GATAD2B: variants seen among roughly 807,000 people sequenced by gnomAD.
The protein encoded by GATAD2B is GATA zinc finger domain containing 2B, also known as transcriptional repressor p66-beta.
A neutral mutation model predicts 64.3 loss-of-function variants in GATAD2B; 8 were observed. That is an observed-to-expected ratio of 0.12 (90% CI 0.07 to 0.22). The LOEUF (loss-of-function observed/expected upper bound fraction) is 0.22. Ranked by LOEUF, GATAD2B falls within the 10% of genes least tolerant of loss-of-function variation. The pLI is 1.00. For missense variants in GATAD2B, 453 were observed against 752.0 expected, an observed-to-expected ratio of 0.60 and a Z score of 4.65; for synonymous variants, 281 against 271.3, an observed-to-expected ratio of 1.04 and a Z score of -0.35.
chr1:153,839,390 G>A (rs1178487833), intron 1 of GATAD2B, among the ~76,000 whole-genome samples: 2 of 152,076 alleles, frequency 1.3e-5, no homozygotes, highest in Admixed American at 1.3e-4. Context: ...ATATATAGGA[G>A]TACCTGGTCT....
At chr1:153,824,920 C>T (rs1481225081) in intron 2 of GATAD2B, among the ~76,000 whole-genome samples, 2 of 152,164 alleles carry the variant, frequency 1.3e-5, no homozygotes, top group Non-Finnish European at 2.9e-5. Context: ...CTCGTCTCTA[C>T]TAAAAATACA....
chr1:153,913,628 T>C (rs1678168649), intron 1 of GATAD2B, among the ~76,000 whole-genome samples: 2 of 152,110 alleles, frequency 1.3e-5, no homozygotes, highest in Non-Finnish European at 2.9e-5. Context: ...CTAAAAAATA[T>C]CTGGCCTAAG....
At chr1:153,914,572 C>T (rs186116116) in intron 1 of GATAD2B, 2 of 152,220 alleles carry the variant, frequency 1.3e-5, no homozygotes, top group African/African-American at 4.8e-5. Flanking sequence ...AGTATTTATT[C>T]AGCAAATATT....
At chr1:153,854,491 C>G (rs1676014118) in intron 1 of GATAD2B, among the ~76,000 whole-genome samples, 1 of 152,206 alleles carries the variant, frequency 6.6e-6, no homozygotes, top group South Asian at 2.1e-4. Flanking sequence ...CATTAAGTAA[C>G]ATGCATACTG....
chr1:153,880,461 T>TCAAAAA (rs528725979), intron 1 of GATAD2B, among the ~76,000 whole-genome samples: 1 of 151,546 alleles, frequency 6.6e-6, no homozygotes, highest in Non-Finnish European at 1.5e-5. Context: ...AGTGAGACTG[T>TCAAAAA]CAAAAACAAA....
At chr1:153,867,687 C>T (rs1267314324) in intron 1 of GATAD2B, among the ~76,000 whole-genome samples, 1 of 151,502 alleles carries the variant, frequency 6.6e-6, no homozygotes, top group African/African-American at 2.4e-5. Flanking sequence ...TGGTGAAACC[C>T]TGTTTCTACT....
At chr1:153,810,897 G>A (rs1674270034) in intron 10 of GATAD2B, among the ~76,000 whole-genome samples, 1 of 151,988 alleles carries the variant, frequency 6.6e-6, no homozygotes, top group African/African-American at 2.4e-5. Flanking sequence ...CCGAGTAGCT[G>A]GGATTACAGG....
chr1:153,846,775 G>A (rs564206582), intron 1 of GATAD2B, among the ~76,000 whole-genome samples: 3 of 151,960 alleles, frequency 2.0e-5, no homozygotes, highest in South Asian at 4.2e-4. Flanking sequence ...TGGCCAGGCT[G>A]GTCTCGAACT....
chr1:153,849,765 G>A (rs1675823613), intron 1 of GATAD2B, among the ~76,000 whole-genome samples: 1 of 152,014 alleles, frequency 6.6e-6, no homozygotes, highest in Non-Finnish European at 1.5e-5. Flanking sequence ...TGAGTAGCTG[G>A]GATTACAGAC....
rs1674416002 is a variant in GATAD2B, at chr1:153,815,103, A to AAAAAAC, written c.1216+1169_1216+1170insGTTTTT. On this transcript the variant is annotated intron_variant, in intron 7 of 10. Transcript: ENST00000368655. ...TCTCAAAAAAAAAAAAAAAAAAAAA[A>AAAAAAC]AAAAAAAAACCAACAAAGAAAAAAA... Among the ~76,000 whole-genome samples the AAAAAAC allele has an allele frequency of 3.5e-5, 5 of 142,414 alleles. No homozygotes were observed. In the South Asian group the frequency reaches 8.9e-4, roughly 25 times the overall value. The allele number at this position is 142,414 out of a possible 152,430, so 93.4% of individuals were successfully genotyped here.
At chr1:153,884,398 G>C (rs1276652770) in intron 1 of GATAD2B, among the ~76,000 whole-genome samples, 2 of 152,038 alleles carry the variant, frequency 1.3e-5, no homozygotes, top group South Asian at 4.2e-4. Context: ...AGCTGAGATC[G>C]CTCCACTGCA....
chr1:153,883,809 T>C (rs1677078857), intron 1 of GATAD2B, among the ~76,000 whole-genome samples: 3 of 152,138 alleles, frequency 2.0e-5, no homozygotes, highest in African/African-American at 7.2e-5. Context: ...TTCAACATTG[T>C]AGAGGCTGAG....
intron 1 of GATAD2B, among the ~76,000 whole-genome samples, chr1:153,839,327 TGA>T (rs1570947090): frequency 6.6e-6 from 1 of 151,910 alleles, no homozygotes; most frequent in Non-Finnish European, 1.5e-5. Flanking sequence ...AAGAGGATCC[TGA>T]GAGGCAGACA....
At chr1:153,885,550 C>T (rs1488092372) in intron 1 of GATAD2B, among the ~76,000 whole-genome samples, 6 of 151,758 alleles carry the variant, frequency 4.0e-5, no homozygotes, top group Admixed American at 6.6e-5. Flanking sequence ...GGTGAAACCC[C>T]GTCTCTACTA....
chr1:153,878,241 T>C (rs930317905), intron 1 of GATAD2B, among the ~76,000 whole-genome samples: 5 of 151,056 alleles, frequency 3.3e-5, no homozygotes, highest in African/African-American at 1.2e-4. Context: ...CAATCATGGC[T>C]CACTGCAGCC....
At chr1:153,842,434 G>A (rs1027970378) in intron 1 of GATAD2B, among the ~76,000 whole-genome samples, 2 of 152,158 alleles carry the variant, frequency 1.3e-5, no homozygotes, top group African/African-American at 4.8e-5. Context: ...TAAATCTGAA[G>A]CACTGTGTAA....
At chr1:153,876,877 C>T (rs1243640388) in intron 1 of GATAD2B, among the ~76,000 whole-genome samples, 1 of 152,010 alleles carries the variant, frequency 6.6e-6, no homozygotes, top group Non-Finnish European at 1.5e-5. Flanking sequence ...GTGGCAGGCG[C>T]CTGTAATTTC....
chr1:153,829,856 T>C (rs755557019), intron 1 of GATAD2B, among the ~76,000 whole-genome samples: 11 of 151,958 alleles, frequency 7.2e-5, no homozygotes, highest in Non-Finnish European at 1.2e-4. Flanking sequence ...TCCCAGCACT[T>C]TGGGAGGCTG....
chr1:153,907,243 G>A (rs1050408939), intron 1 of GATAD2B, among the ~76,000 whole-genome samples: 28 of 152,108 alleles, frequency 1.8e-4, no homozygotes, highest in African/African-American at 5.8e-4. Flanking sequence ...AGCCGAAGGC[G>A]GAAACAATCC....
Sources: gnomAD v4.1 joint callset for allele counts (sites outside exome capture counted in the v4.1 genomes callset) on GRCh38, gnomAD v4.1.1 for gene constraint, MANE v1.5 for transcripts, NCBI Gene and HGNC (gene_info 2026-07-23, HGNC 2026-07-21) for gene names.